SH3BGRL3: variants seen among roughly 807,000 people sequenced by gnomAD.
The protein encoded by SH3BGRL3 is SH3 domain-binding glutamic acid-rich-like protein 3.
A neutral mutation model predicts 11.9 loss-of-function variants in SH3BGRL3; 8 were observed. That is an observed-to-expected ratio of 0.67 (90% confidence interval 0.40 to 1.22). The LOEUF is 1.22. Among genes scored for constraint, SH3BGRL3 ranks in the 50% most tolerant of loss-of-function variants. The probability of loss-of-function intolerance (pLI) is 0.01; values close to 1 mark genes in which losing one functional copy is unlikely to be tolerated. For synonymous variants in SH3BGRL3, 55 were observed against 52.3 expected (o/e 1.05, Z -0.22); for missense variants, 119 against 120.1 (o/e 0.99, Z 0.04).
chr1:26,280,400 G>A (rs932412754), intron 1 of SH3BGRL3, among the ~76,000 whole-genome samples, 197 bp downstream of exon 1: 2 of 151,992 alleles, frequency 1.3e-5, no homozygotes, highest in African/African-American at 4.8e-5. Flanking sequence ...TGGGTCCTTT[G>A]CAGCCGCGGC....
Position 26,280,204 on chromosome 1 carries a change from G to A in SH3BGRL3, c.48+1G>A, listed in dbSNP as rs879049881. The stretch of plus-strand genomic sequence containing the variant: ...CACGTCGGTCACCGGCTCCCGCGAA[G>A]TAAGTGCGCGCCCGGACTGGCGCTG... On this transcript the variant is annotated splice_donor_variant, in intron 1 of 2. Transcript: ENST00000270792. LOFTEE classifies it high-confidence loss of function. The A allele has an allele frequency of 6.5e-7, 1 of 1,539,616 alleles. No individual in the cohort carries two copies. The highest frequency in any genetic ancestry group is 8.7e-7 in the Non-Finnish European group (1 of 1,146,484).
chr1:26,280,437 C>T (rs527312362), intron 1 of SH3BGRL3, among the ~76,000 whole-genome samples: 142 of 152,062 alleles, frequency 9.3e-4, no homozygotes, highest in Non-Finnish European at 1.9e-3. Flanking sequence ...CATCCCCCAT[C>T]AACCCCACAC....
rs149754315 is a variant in SH3BGRL3 at position 26,280,758 on chromosome 1, TC to T, written c.49-3del. Reference sequence around the variant, plus strand: ...TCCACTAACCCCTACCCACCCTCTGTCCCCAGATCAAGTCCCAGCAGAGCGA... The same window carrying T: ...TCCACTAACCCCTACCCACCCTCTGTCCCAGATCAAGTCCCAGCAGAGCGA... On this transcript the variant is annotated splice_region_variant and splice_polypyrimidine_tract_variant and intron_variant, in intron 1 of 2. Transcript: ENST00000270792. The T allele has an allele frequency of 7.7e-4, 1,243 of 1,613,634 alleles. 7 individuals are homozygous for T. The African/African-American group carries it at 0.015, about 19-fold the overall frequency.
intron 1 of SH3BGRL3, among the ~76,000 whole-genome samples, chr1:26,280,418 T>C (rs2072958230): frequency 6.6e-6 from 1 of 151,894 alleles, no homozygotes; most frequent in Non-Finnish European, 1.5e-5. Context: ...GGCATGAACT[T>C]CCCGTGCCCA....
chr1:26,280,488 G>T (rs1001179765), intron 1 of SH3BGRL3, among the ~76,000 whole-genome samples: 12 of 151,556 alleles, frequency 7.9e-5, no homozygotes, highest in African/African-American at 2.9e-4. Context: ...CCCTGACCAC[G>T]ACCGCAGCCT....
rs974711336 is a variant in SH3BGRL3 at position 26,280,628 on chromosome 1, A to G, written c.49-137A>G. On this transcript the variant is annotated intron_variant, in intron 1 of 2. Coordinates refer to ENST00000270792, the MANE Select transcript of SH3BGRL3 (RefSeq NM_031286.4). The stretch of plus-strand genomic sequence containing the variant: ...CCTGACTCATCCTCCCAACTCCTAG[A>G]GGCCAGAACCCTCCCCTAGTGTGGA... 3.0e-6 allele frequency: 3 copies of G among 1,003,848 alleles called. No individual in the cohort carries two copies. In the African/African-American group the frequency reaches 4.9e-5, roughly 16 times the overall value. The allele number at this position is 1,003,848 out of a possible 1,614,324, so 62.2% of individuals were successfully genotyped here.
intron 1 of SH3BGRL3, 83 bp from the exon 2 acceptor site, chr1:26,280,682 C>A: frequency 6.5e-7 from 1 of 1,531,270 alleles, no homozygotes; most frequent in Non-Finnish European, 8.9e-7. Flanking sequence ...AGCTCCTGGT[C>A]ACAGCCTCTC....
chr1:26,280,251 C>G, intron 1 of SH3BGRL3, 48 bp downstream of exon 1: 2 of 1,453,370 alleles, frequency 1.4e-6, no homozygotes, highest in Non-Finnish European at 1.8e-6. Flanking sequence ...AGGGCTGTAT[C>G]CCGGTGCTTT....
In SH3BGRL3 at chr1:26,280,777, C is replaced by A; in HGVS notation, c.61C>A (p.Gln21Lys). 2 of 1,614,060 alleles carry A rather than the reference C, an allele frequency of 1.2e-6. No homozygotes were observed. The highest frequency in any genetic ancestry group is 4.5e-5 in the East Asian group (2 of 44,872). Reference protein sequence around the residue: ...VTGSREIKSQQSEVTRILDGK... With the variant: ...VTGSREIKSQKSEVTRILDGK... ...CCTCTGTCCCCAGATCAAGTCCCAG[C>A]AGAGCGAGGTGACCCGAATCCTGGA... Residue 21 changes from glutamine (Q) to lysine (K), a missense_variant, in exon 2 of 3, where the codon CAG becomes AAG. Transcript: ENST00000270792.
At position 26,281,012 on chromosome 1, in the gene SH3BGRL3, G is replaced by A. The variant is rs759105480; in HGVS notation, c.217-46G>A. 44 of 1,611,060 alleles carry A rather than the reference G, an allele frequency of 2.7e-5. No homozygotes were observed. The Middle Eastern group carries it at 4.9e-4, about 18-fold the overall frequency. On this transcript the variant is annotated intron_variant, in intron 2 of 2. Transcript: ENST00000270792. ...GGGTCATATCTGCCACAAAGCACTT[G>A]GGCCCCCTGCATTCAGGTGACCACC...
Position 26,280,788 on chromosome 1 carries a change from G to A in SH3BGRL3, c.72G>A (p.Val24=), listed in dbSNP as rs760645752. 2 of 1,614,046 alleles carry A rather than the reference G, an allele frequency of 1.2e-6. No homozygotes were observed. The highest frequency in any genetic ancestry group is 2.2e-5 in the East Asian group (1 of 44,868). ...AGATCAAGTCCCAGCAGAGCGAGGT[G>A]ACCCGAATCCTGGATGGGAAGCGCA... ...SREIKSQQSE[V]TRILDGKRIQ... is the part of the protein sequence containing the mutation. Residue 24 remains valine, a synonymous_variant, in exon 2 of 3, where the codon GTG becomes GTA. Transcript: ENST00000270792.
At position 26,280,143 on chromosome 1, in the gene SH3BGRL3, G is replaced by A; in HGVS notation, c.-13G>A. ...CCGCCCTCTGCCCGCCGGCCCGTCTGTCTACCCCCAGCATGAGCGGCCTGC... is the reference window on the plus strand; with the variant it reads ...CCGCCCTCTGCCCGCCGGCCCGTCTATCTACCCCCAGCATGAGCGGCCTGC... On this transcript the variant is annotated 5_prime_UTR_variant, in exon 1 of 3. Transcript: ENST00000270792. The A allele has an allele frequency of 6.4e-7, 1 of 1,564,644 alleles. No individual in the cohort carries two copies. The highest frequency in any genetic ancestry group is 8.6e-7 in the Non-Finnish European group (1 of 1,156,222).
At chr1:26,280,964 G>A in intron 2 of SH3BGRL3, 32 bp downstream of exon 2, 1 of 1,605,216 alleles carries the variant, frequency 6.2e-7, no homozygotes, top group Non-Finnish European at 8.5e-7. Flanking sequence ...GGTGGGGGGA[G>A]TGTTGGAAGA....
At chr1:26,280,653 A>G (rs918075590) in intron 1 of SH3BGRL3, 112 bp from the exon 2 acceptor site, 14 of 1,295,580 alleles carry the variant, frequency 1.1e-5, no homozygotes, top group Non-Finnish European at 1.5e-5. Flanking sequence ...CCTAGTGTGG[A>G]GGGGAATGGG....
At chr1:26,280,568 T>C (rs2072964555) in intron 1 of SH3BGRL3, among the ~76,000 whole-genome samples, 197 bp from the exon 2 acceptor site, 1 of 136,988 alleles carries the variant, frequency 7.3e-6, no homozygotes, top group Admixed American at 7.3e-5. Context: ...CCCCCGTGGC[T>C]GATAATCCCT....
rs1476974160 is a variant in SH3BGRL3 at position 26,280,120 on chromosome 1, G to A, written c.-36G>A. 4 of 1,550,550 alleles carry A rather than the reference G, an allele frequency of 2.6e-6. No individual in the cohort carries two copies. The highest frequency in any genetic ancestry group is 2.6e-6 in the Non-Finnish European group (3 of 1,148,078). ...CGGCAGTGCAGCTGCCGCTACCGCC[G>A]CCCTCTGCCCGCCGGCCCGTCTGTC... On this transcript the variant is annotated 5_prime_UTR_variant, in exon 1 of 3. Transcript: ENST00000270792.
intron 1 of SH3BGRL3, among the ~76,000 whole-genome samples, 163 bp downstream of exon 1, chr1:26,280,366 C>A (rs1055194333): frequency 2.0e-5 from 3 of 152,106 alleles, no homozygotes; most frequent in Non-Finnish European, 4.4e-5. Flanking sequence ...GAGGCCCCAT[C>A]CTGAATGTCT....
Position 26,280,830 on chromosome 1 carries a change from G to A in SH3BGRL3, c.114G>A (p.Val38=). The A allele has an allele frequency of 6.2e-7, 1 of 1,614,034 alleles. No individual in the cohort carries two copies. Among genetic ancestry groups the A allele is most frequent in the Non-Finnish European group, 8.5e-7 (1 of 1,180,006 alleles). ...GGAAGCGCATCCAATACCAGCTAGT[G>A]GACATCTCCCAGGACAACGCCCTGA... ...LDGKRIQYQL[V]DISQDNALRD... is the part of the protein sequence containing the mutation. The change falls in exon 2 of 3, where the codon GTG becomes GTA. Residue 38 remains valine (V), a synonymous_variant. Coordinates refer to ENST00000270792, the MANE Select transcript of SH3BGRL3 (RefSeq NM_031286.4).
chr1:26,280,303 G>A (rs2072954647), intron 1 of SH3BGRL3, 100 bp downstream of exon 1: 16 of 1,341,348 alleles, frequency 1.2e-5, no homozygotes, highest in Non-Finnish European at 1.6e-5. Flanking sequence ...CGGGGGCGGG[G>A]TGGGGGGAGT....
Sources: gnomAD v4.1 joint callset for allele counts (sites outside exome capture counted in the v4.1 genomes callset) on GRCh38, gnomAD v4.1.1 for gene constraint, MANE v1.5 for transcripts, NCBI Gene and HGNC (gene_info 2026-07-23, HGNC 2026-07-21) for gene names.